HABP2: variants seen among roughly 807,000 people sequenced by gnomAD.
HABP2 encodes the protein factor VII-activating protease.
In HABP2, 65 loss-of-function variants were observed where a neutral mutation model predicts 66.5. The observed-to-expected ratio is 0.98, with a 90% confidence interval of 0.80 to 1.20. The LOEUF (loss-of-function observed/expected upper bound fraction) is 1.20, where lower values mean the gene tolerates loss of function less well. Among genes scored for constraint, HABP2 ranks in the 50% most tolerant of loss-of-function variants. The pLI is 0.00. For missense variants in HABP2, 786 were observed against 691.0 expected (o/e 1.14, Z -1.54); for synonymous variants, 263 against 253.9 (o/e 1.04, Z -0.34).
intron 2 of HABP2, among the ~76,000 whole-genome samples, chr10:113,570,710 G>C (rs1393737951): frequency 6.6e-6 from 1 of 152,154 alleles, no homozygotes; most frequent in Non-Finnish European, 1.5e-5. Flanking sequence ...TTCCCTATTT[G>C]CTCTGCTTTA....
intron 12 of HABP2, among the ~76,000 whole-genome samples, chr10:113,586,815 C>T (rs1564682329): frequency 6.6e-6 from 1 of 152,190 alleles, no homozygotes; most frequent in Admixed American, 6.5e-5. Context: ...TTCAGGGAGC[C>T]TCCCCGTACA....
Position 113,588,439 on chromosome 10 carries a change from A to C in HABP2, c.*70A>C. Reference sequence around the variant, plus strand: ...GACACCGGGAGGCCTCATGGCCAACAATGGACACCTCCAGAGCCTCCAGGG... The same window carrying C: ...GACACCGGGAGGCCTCATGGCCAACCATGGACACCTCCAGAGCCTCCAGGG... On this transcript the variant is annotated 3_prime_UTR_variant, in exon 13 of 13. Coordinates refer to ENST00000351270, the MANE Select transcript of HABP2 (RefSeq NM_004132.5). The C allele has an allele frequency of 8.2e-7, 1 of 1,214,754 alleles. No individual in the cohort carries two copies. Among genetic ancestry groups the C allele is most frequent in the Admixed American group, 2.0e-5 (1 of 49,166 alleles). 75.2% of individuals were successfully genotyped at this position (1,214,754 alleles called of 1,614,324 possible).
intron 11 of HABP2, 109 bp downstream of exon 11, chr10:113,584,391 T>G: frequency 1.1e-6 from 1 of 889,354 alleles, no homozygotes. Context: ...ATATTCAAAA[T>G]GCATCAACCA....
intron 1 of HABP2, among the ~76,000 whole-genome samples, chr10:113,553,691 T>C (rs1442726082): frequency 1.3e-5 from 2 of 152,184 alleles, no homozygotes; most frequent in Non-Finnish European, 2.9e-5. Context: ...TAGTTTGGAT[T>C]TGGGGAGAAG....
chr10:113,554,130 G>C (rs1044791618), intron 1 of HABP2, among the ~76,000 whole-genome samples: 4 of 152,164 alleles, frequency 2.6e-5, no homozygotes, highest in Admixed American at 2.6e-4. Context: ...GATTTGGGGA[G>C]GGCCACAAGT....
intron 1 of HABP2, among the ~76,000 whole-genome samples, chr10:113,559,780 C>T (rs939270830): frequency 1.1e-4 from 16 of 152,250 alleles, no homozygotes; most frequent in Admixed American, 6.5e-4. Flanking sequence ...TGTCCCATCT[C>T]TGCCTGCCAC....
intron 1 of HABP2, among the ~76,000 whole-genome samples, chr10:113,565,175 C>T (rs1845176612): frequency 6.6e-6 from 1 of 152,234 alleles, no homozygotes; most frequent in African/African-American, 2.4e-5. Context: ...CATTTTCCTA[C>T]AGAACTACAA....
intron 1 of HABP2, among the ~76,000 whole-genome samples, chr10:113,558,746 C>T (rs1192717719): frequency 6.6e-6 from 1 of 152,166 alleles, no homozygotes; most frequent in East Asian, 1.9e-4. Context: ...CTTCCTGAAG[C>T]CCTGGGCTAT....
At chr10:113,564,078 A>G (rs1170913022) in intron 1 of HABP2, among the ~76,000 whole-genome samples, 1 of 152,184 alleles carries the variant, frequency 6.6e-6, no homozygotes. Flanking sequence ...ATAGACTCAC[A>G]GTTCCACATG....
intron 1 of HABP2, among the ~76,000 whole-genome samples, chr10:113,557,915 CA>C (rs1436372524): frequency 6.6e-6 from 1 of 152,194 alleles, no homozygotes; most frequent in Non-Finnish European, 1.5e-5. Flanking sequence ...AAGCATAGAG[CA>C]GTTAAATCAT....
At chr10:113,580,492 G>A (rs1845504361) in intron 7 of HABP2, 103 bp from the exon 8 acceptor site, 2 of 699,310 alleles carry the variant, frequency 2.9e-6, no homozygotes, top group African/African-American at 1.8e-5. Flanking sequence ...TGTGGTCCCA[G>A]GGGGAGCACA....
At position 113,556,291 on chromosome 10, in the gene HABP2, C is replaced by T. The variant is rs186492632; in HGVS notation, c.69+3101C>T. 1.6e-4 allele frequency among the ~76,000 whole-genome samples: 24 copies of T among 152,244 alleles called. No individual in the cohort carries two copies. In the East Asian group the frequency reaches 3.1e-3, roughly 20 times the overall value. ...TAATTGCTTGGCCACATTTGAAAAT[C>T]GGAACACAGAACATTTCCCATTAAA... On this transcript the variant is annotated intron_variant, in intron 1 of 12. Coordinates refer to ENST00000351270, the MANE Select transcript of HABP2 (RefSeq NM_004132.5).
At chr10:113,574,265 T>C in intron 2 of HABP2, 24 bp from the exon 3 acceptor site, 1 of 1,158,174 alleles carries the variant, frequency 8.6e-7, no homozygotes, top group Non-Finnish European at 1.3e-6. Context: ...TAGGATTTCT[T>C]CTGTCCTGTT....
At chr10:113,569,055 A>G (rs1162131884) in intron 2 of HABP2, among the ~76,000 whole-genome samples, 1 of 152,220 alleles carries the variant, frequency 6.6e-6, no homozygotes, top group Non-Finnish European at 1.5e-5. Flanking sequence ...CTACAGGGTC[A>G]GATTTGATCT....
At chr10:113,567,665 C>T in intron 2 of HABP2, 140 bp downstream of exon 2, 1 of 689,536 alleles carries the variant, frequency 1.5e-6, no homozygotes, top group Non-Finnish European at 2.6e-6. Context: ...CCTTTGAGAA[C>T]TTGCCCTCAA....
chr10:113,562,379 C>T (rs188088681), intron 1 of HABP2, among the ~76,000 whole-genome samples: 8 of 151,518 alleles, frequency 5.3e-5, no homozygotes, highest in Admixed American at 3.9e-4. Flanking sequence ...CTTTCTCCAG[C>T]TGTCACTGGG....
chr10:113,582,045 T>A lies in HABP2; in HGVS notation c.1008T>A (p.Pro336=). Residue 336 remains proline, a synonymous_variant, in exon 9 of 13, where the codon CCT becomes CCA. Coordinates refer to ENST00000351270, the MANE Select transcript of HABP2 (RefSeq NM_004132.5). Reference sequence around the variant, plus strand: ...AGGCGTCCCTCCAGTCCTCGCTGCCTCTGACCATCTCCATGCCCCAGGGCC... The same window carrying A: ...AGGCGTCCCTCCAGTCCTCGCTGCCACTGACCATCTCCATGCCCCAGGGCC... ...PWQASLQSSL[P]LTISMPQGHF... 1 of 1,613,860 alleles carries A rather than the reference T, an allele frequency of 6.2e-7. No individual in the cohort carries two copies. Among genetic ancestry groups the A allele is most frequent in the Non-Finnish European group, 8.5e-7 (1 of 1,179,984 alleles).
intron 1 of HABP2, among the ~76,000 whole-genome samples, chr10:113,555,120 A>C (rs905350227): frequency 6.6e-6 from 1 of 152,222 alleles, no homozygotes; most frequent in Non-Finnish European, 1.5e-5. Flanking sequence ...GTCATAACTA[A>C]CTGCTACCAT....
chr10:113,554,049 T>C (rs1233428065), intron 1 of HABP2, among the ~76,000 whole-genome samples: 1 of 152,152 alleles, frequency 6.6e-6, no homozygotes, highest in Admixed American at 6.5e-5. Context: ...AGCTGTGGAA[T>C]GTTGGGCAAG....
Sources: allele counts gnomAD v4.1 joint callset (sites outside exome capture counted in the v4.1 genomes callset), GRCh38; gene constraint gnomAD v4.1.1; transcripts MANE v1.5; gene names NCBI Gene and HGNC (gene_info 2026-07-23, HGNC 2026-07-21).